Variants in ABHD2 observed in about 807,000 individuals in gnomAD.
ABHD2 encodes the protein abhydrolase domain containing 2, acylglycerol lipase, also known as monoacylglycerol lipase ABHD2.
In ABHD2, 20 loss-of-function variants were observed where a neutral mutation model predicts 48.1. The ratio of observed to expected loss-of-function variants is 0.42; its 90% CI spans 0.29 to 0.60. The LOEUF (loss-of-function observed/expected upper bound fraction) is 0.60, where lower values mean the gene tolerates loss of function less well. Ranked by LOEUF, ABHD2 falls within the 20% of genes least tolerant of loss-of-function variation. The pLI is 0.24. For missense variants in ABHD2, 405 were observed against 550.9 expected, an observed-to-expected ratio of 0.74 and a Z score of 2.65; for synonymous variants, 209 against 214.2, an observed-to-expected ratio of 0.98 and a Z score of 0.21.
rs2051189737 is a variant in ABHD2, at chr15:89,185,394, A to G, written c.723-30A>G. Reference sequence around the variant, plus strand: ...CTGCCCGCCTGCACCCCCACACCGCAGTCACCCTCACTCGCTGTGGTTCTT... The same window carrying G: ...CTGCCCGCCTGCACCCCCACACCGCGGTCACCCTCACTCGCTGTGGTTCTT... On this transcript the variant is annotated intron_variant, in intron 6 of 10. Coordinates refer to ENST00000352732, the MANE Select transcript of ABHD2 (RefSeq NM_152924.5). The surrounding 1 kb of genome is among the most constrained non-coding windows in gnomAD (Gnocchi z 5.9). 1 of 1,598,946 alleles carries G rather than the reference A, an allele frequency of 6.3e-7. No individual in the cohort carries two copies. Among genetic ancestry groups the G allele is most frequent in the Non-Finnish European group, 8.6e-7 (1 of 1,166,704 alleles).
rs2238316 is a variant in ABHD2 at position 89,186,418 on chromosome 15, T to C, written c.815+902T>C. 0.37 allele frequency among the ~76,000 whole-genome samples: 56,078 copies of C among 152,014 alleles called. 10,628 individuals are homozygous for C. Among genetic ancestry groups the C allele is most frequent in the Non-Finnish European group, 0.4 (27,253 of 67,956 alleles). Reference sequence around the variant, plus strand: ...TATTGCTGACATCTCTGCCTCCTCCTCTACGCCTCTCATTCCCTCTAGCTG... The same window carrying C: ...TATTGCTGACATCTCTGCCTCCTCCCCTACGCCTCTCATTCCCTCTAGCTG... On this transcript the variant is annotated intron_variant, in intron 7 of 10. Coordinates refer to ENST00000352732, the MANE Select transcript of ABHD2 (RefSeq NM_152924.5). This position sits in a 1 kb window ranked among gnomAD's most constrained non-coding sequence, Gnocchi z 4.3.
chr15:89,055,328 T>C, the ABHD2 span, among the ~76,000 whole-genome samples: 4 of 150,006 alleles, frequency 2.7e-5, no homozygotes, highest in Non-Finnish European at 5.9e-5. Context: ...AGTTTCTTTT[T>C]TTTTTTTTTT....
At chr15:89,141,679 C>T (rs780081091) in intron 3 of ABHD2, among the ~76,000 whole-genome samples, 1 of 152,102 alleles carries the variant, frequency 6.6e-6, no homozygotes, top group Non-Finnish European at 1.5e-5. Flanking sequence ...GAGTGATCCC[C>T]CTTTGTTGTG....
At chr15:89,161,139 T>C (rs2050756133) in intron 5 of ABHD2, among the ~76,000 whole-genome samples, 2 of 152,174 alleles carry the variant, frequency 1.3e-5, no homozygotes, top group South Asian at 4.1e-4. Context: ...GGCTTAGCTC[T>C]CCGGGAGTCT....
intron 1 of ABHD2, chr15:89,093,949 A>G (rs2049569837): frequency 6.6e-6 from 1 of 152,138 alleles, no homozygotes; most frequent in Non-Finnish European, 1.5e-5. Context: ...TTTCCTTTGA[A>G]TGTGCCTTAA....
intron 3 of ABHD2, among the ~76,000 whole-genome samples, chr15:89,142,317 T>C (rs2050416464): frequency 6.6e-6 from 1 of 152,280 alleles, no homozygotes; most frequent in Non-Finnish European, 1.5e-5. Context: ...TTATTTATTA[T>C]GCCGTGTTCA....
upstream of ABHD2, among the ~76,000 whole-genome samples, chr15:89,085,461 A>G (rs1206819003): frequency 1.3e-5 from 2 of 152,132 alleles, no homozygotes; most frequent in Non-Finnish European, 2.9e-5. The surrounding 1 kb of genome is among the most constrained non-coding windows in gnomAD (Gnocchi z 4.2). Context: ...GAAGGGAGGA[A>G]ACAGAAACCA....
At chr15:89,081,621 C>T in the ABHD2 span, among the ~76,000 whole-genome samples, 7 of 152,174 alleles carry the variant, frequency 4.6e-5, no homozygotes, top group African/African-American at 1.7e-4. Context: ...AGTCCCAGCA[C>T]TCTGGGAGGC....
intron 5 of ABHD2, among the ~76,000 whole-genome samples, chr15:89,170,387 G>A (rs1012585654): frequency 2.0e-5 from 3 of 151,946 alleles, no homozygotes; most frequent in Admixed American, 6.6e-5. Context: ...ATCAGCCACC[G>A]CGCCCGGCCA....
chr15:89,131,384 A>G lies in ABHD2; in HGVS notation c.194+14863A>G, dbSNP rs547931468. Among the ~76,000 whole-genome samples, 4 of 152,318 alleles carry G rather than the reference A, an allele frequency of 2.6e-5. No homozygotes were observed. The East Asian group carries it at 5.8e-4, about 22-fold the overall frequency. ...AGAGAACATAATCACCTTCTTTCTG[A>G]TGAATGCTTTCTGGACATTTATGGT... is the stretch of plus-strand genomic sequence containing the variant. On this transcript the variant is annotated intron_variant, in intron 3 of 10. Transcript: ENST00000352732.
rs575519073 is a variant in ABHD2 at position 89,200,091 on chromosome 15, C to G, written c.*4668C>G. 23 of 152,332 alleles carry G rather than the reference C, an allele frequency of 1.5e-4. No individual in the cohort carries two copies. Among genetic ancestry groups the G allele is most frequent in the South Asian group, 8.3e-4 (4 of 4,830 alleles). 9.4% of individuals were successfully genotyped at this position (152,332 alleles called of 1,614,324 possible). The stretch of plus-strand genomic sequence containing the variant: ...CCCTGTGTTTTCTGAACTGTTTTTC[C>G]TAGCATGTATGTGGGTAGAGCTTTC... On this transcript the variant is annotated 3_prime_UTR_variant, in exon 11 of 11. Coordinates refer to ENST00000352732, the MANE Select transcript of ABHD2 (RefSeq NM_152924.5).
In ABHD2 at chr15:89,146,711, CAGAA is replaced by C. The variant is rs1462874734; in HGVS notation, c.195-4962_195-4959del. On this transcript the variant is annotated intron_variant, in intron 3 of 10. Coordinates refer to ENST00000352732, the MANE Select transcript of ABHD2 (RefSeq NM_152924.5). This position sits in a 1 kb window ranked among gnomAD's most constrained non-coding sequence, Gnocchi z 4.2. Reference sequence around the variant, plus strand: ...CAAGAATAGCTTTAAAAAATACAGACAGAAAGACATGCAAATTAGCGTAGTAAAA... The same window carrying C: ...CAAGAATAGCTTTAAAAAATACAGACAGACATGCAAATTAGCGTAGTAAAA... Among the ~76,000 whole-genome samples the C allele has an allele frequency of 1.3e-5, 2 of 152,012 alleles. No individual in the cohort carries two copies. The highest frequency in any genetic ancestry group is 4.8e-5 in the African/African-American group (2 of 41,384).
At chr15:89,069,674 C>CTTTTTTCTTTTTTTTT in the ABHD2 span, among the ~76,000 whole-genome samples, 1 of 52,898 alleles carries the variant, frequency 1.9e-5, no homozygotes, top group African/African-American at 7.4e-5. Context: ...TTCATTTACT[C>CTTTTTTCTTTTTTTTT]TTTTTTTTTT....
intron 1 of ABHD2, among the ~76,000 whole-genome samples, chr15:89,107,106 G>A (rs547624897): frequency 2.0e-5 from 3 of 152,298 alleles, no homozygotes; most frequent in African/African-American, 4.8e-5. Flanking sequence ...AGGGAAGAAT[G>A]GGTAGTCTTT....
chr15:89,154,813 A>G (rs12101898), intron 4 of ABHD2, among the ~76,000 whole-genome samples: 17,452 of 152,286 alleles, frequency 0.11, 1,168 homozygotes, highest in South Asian at 0.19. Flanking sequence ...GTTCAGCCAT[A>G]TGCAAAAGAA....
chr15:89,060,083 C>CTTTTTTTTT, the ABHD2 span, among the ~76,000 whole-genome samples: 2 of 77,574 alleles, frequency 2.6e-5, no homozygotes, highest in African/African-American at 5.3e-5. Context: ...ACTCCAAGGC[C>CTTTTTTTTT]TTTTTTTTTT....
the ABHD2 span, among the ~76,000 whole-genome samples, chr15:89,062,053 G>A: frequency 3.9e-5 from 6 of 152,146 alleles, no homozygotes; most frequent in Non-Finnish European, 7.4e-5. Flanking sequence ...ACTGGAGCAG[G>A]CAGAGCAATA....
chr15:89,195,537 A>G lies in ABHD2; in HGVS notation c.*114A>G, dbSNP rs2051387567. ...GACCTGGATCTGACCTCACACCATC[A>G]GCAGGGGGCACCCACCATGCACACC... On this transcript the variant is annotated 3_prime_UTR_variant, in exon 11 of 11. Coordinates refer to ENST00000352732, the MANE Select transcript of ABHD2 (RefSeq NM_152924.5). The surrounding 1 kb of genome is among the most constrained non-coding windows in gnomAD (Gnocchi z 5.1). 1 of 1,156,566 alleles carries G rather than the reference A, an allele frequency of 8.6e-7. No individual in the cohort carries two copies. The highest frequency in any genetic ancestry group is 1.6e-5 in the African/African-American group (1 of 64,230). The allele number at this position is 1,156,566 out of a possible 1,614,324, so 71.6% of individuals were successfully genotyped here.
the ABHD2 span, among the ~76,000 whole-genome samples, chr15:89,058,088 A>T: frequency 6.5e-3 from 996 of 152,308 alleles, 12 homozygotes; most frequent in African/African-American, 0.023. Flanking sequence ...ATAAACCCTT[A>T]AATGAAGTAT....
Sources: gnomAD v4.1 joint callset for allele counts (sites outside exome capture counted in the v4.1 genomes callset) on GRCh38, gnomAD v4.1.1 for gene constraint, Gnocchi (gnomAD v3.1) non-coding constraint, MANE v1.5 for transcripts, NCBI Gene and HGNC (gene_info 2026-07-23, HGNC 2026-07-21) for gene names.